Variants in ITGAD observed in about 807,000 individuals in gnomAD.
ITGAD encodes the protein integrin subunit alpha D, also known as integrin alpha-D.
In ITGAD, 105 loss-of-function variants were observed where a neutral mutation model predicts 139.0. The ratio of observed to expected loss-of-function variants is 0.76; its 90% CI spans 0.65 to 0.89. ITGAD has a LOEUF of 0.89. ITGAD is among the 40% of genes least tolerant of loss of function. The pLI is 0.00. For missense variants in ITGAD, 1,384 were observed against 1,487.3 expected (o/e 0.93, Z 1.14); for synonymous variants, 569 against 598.3 (o/e 0.95, Z 0.71).
intron 18 of ITGAD, 150 bp downstream of exon 18, chr16:31,415,141 G>A (rs1395686585): frequency 3.5e-6 from 3 of 867,254 alleles, no homozygotes; most frequent in African/African-American, 1.7e-5. Flanking sequence ...CAGGCCTGTG[G>A]GTTCTGTCTC....
intron 14 of ITGAD, among the ~76,000 whole-genome samples, chr16:31,411,778 A>T (rs950008486): frequency 6.6e-6 from 1 of 152,352 alleles, no homozygotes; most frequent in African/African-American, 2.4e-5. Flanking sequence ...GTGTGGCCTT[A>T]GGCAGGTGAC....
chr16:31,421,482 GAAAAT>G (rs1282333504), intron 23 of ITGAD, among the ~76,000 whole-genome samples: 1 of 150,952 alleles, frequency 6.6e-6, no homozygotes, highest in African/African-American at 2.4e-5. Flanking sequence ...AATTAAAAAT[GAAAAT>G]AAAATAAAAC....
At chr16:31,425,322 C>T (rs540824153) in intron 29 of ITGAD, among the ~76,000 whole-genome samples, 151 of 152,066 alleles carry the variant, frequency 9.9e-4, no homozygotes, top group Non-Finnish European at 1.4e-3. Context: ...CCGCCCACCT[C>T]GGCCTCCCAA....
chr16:31,405,331 T>A (rs944121035), intron 7 of ITGAD, among the ~76,000 whole-genome samples: 1 of 152,214 alleles, frequency 6.6e-6, no homozygotes, highest in South Asian at 2.1e-4. Context: ...TCTTCTTTTT[T>A]TAAAAAGAAG....
Position 31,413,172 on chromosome 16 carries a change from A to G in ITGAD, c.1922A>G (p.Glu641Gly), listed in dbSNP as rs764239723. The change falls in exon 16 of 30, where the codon GAG becomes GGG. Residue 641 changes from glutamate (E) to glycine (G), a missense_variant. Coordinates refer to ENST00000389202, the MANE Select transcript of ITGAD (RefSeq NM_005353.3). ...AAGGCTGTGTACCGGTGCTGGGAAG[A>G]GAAGCCCAGTGCCCTGGAAGCTGGG... is the stretch of plus-strand genomic sequence containing the variant. Reference protein sequence around the residue: ...VAKAVYRCWEEKPSALEAGDA... With the variant: ...VAKAVYRCWEGKPSALEAGDA... 1 of 1,614,170 alleles carries G rather than the reference A, an allele frequency of 6.2e-7. No individual in the cohort carries two copies. Among genetic ancestry groups the G allele is most frequent in the Non-Finnish European group, 8.5e-7 (1 of 1,180,030 alleles).
chr16:31,412,144 A>C (rs2081738567), intron 14 of ITGAD, among the ~76,000 whole-genome samples: 7 of 150,088 alleles, frequency 4.7e-5, no homozygotes, highest in Admixed American at 4.7e-4. Flanking sequence ...ATCTTGGCTC[A>C]CTGCAACCTC....
intron 5 of ITGAD, among the ~76,000 whole-genome samples, chr16:31,401,272 A>G (rs1261859134): frequency 1.3e-5 from 2 of 152,152 alleles, no homozygotes; most frequent in Non-Finnish European, 2.9e-5. Flanking sequence ...AAAACAAAAA[A>G]TGAAAAAACC....
chr16:31,404,450 AC>A (rs2081488206), intron 7 of ITGAD: 2 of 152,226 alleles, frequency 1.3e-5, no homozygotes, highest in African/African-American at 2.4e-5. Flanking sequence ...CACCAAACGC[AC>A]CCTCTTTACT....
rs778850595 is a variant in ITGAD, at chr16:31,410,853, A to G, written c.1331A>G (p.Lys444Arg). ...ACCCAGGTGTCCAGGCAATGGAGGA[A>G]GAAGGCCGAAGTCACAGGGACGCAG... is the stretch of plus-strand genomic sequence containing the variant. ...IFTQVSRQWR[K>R]KAEVTGTQIG... Residue 444 changes from lysine to arginine, a missense_variant, in exon 12 of 30, where the codon AAG (lysine) becomes AGG (arginine). Physicochemically the swap from Lys to Arg is conservative, Grantham distance 26 (BLOSUM62 2). Coordinates refer to ENST00000389202, the MANE Select transcript of ITGAD (RefSeq NM_005353.3). 7.5e-6 allele frequency: 12 copies of G among 1,609,652 alleles called. No homozygotes were observed. The East Asian group carries it at 2.7e-4, about 36-fold the overall frequency.
At chr16:31,419,295 G>A (rs2081963386) in intron 23 of ITGAD, among the ~76,000 whole-genome samples, 1 of 152,060 alleles carries the variant, frequency 6.6e-6, no homozygotes, top group Non-Finnish European at 1.5e-5. Flanking sequence ...TCCTAATGAT[G>A]TCATAGCAGT....
rs904452701 is a variant in ITGAD at position 31,394,144 on chromosome 16, A to G, written c.32-92A>G. 3.3e-4 allele frequency: 248 copies of G among 744,670 alleles called. 3 individuals are homozygous for G. The highest frequency in any genetic ancestry group is 4.4e-4 in the Non-Finnish European group (204 of 466,796). The allele number at this position is 744,670 out of a possible 1,614,324, so 46.1% of individuals were successfully genotyped here. On this transcript the variant is annotated intron_variant, in intron 1 of 29. Transcript: ENST00000389202. ...AGACTCCATCTCAAAAAAAAAAAAA[A>G]AAAAAAGAAAAAAAAGAAAAAGAGG...
At chr16:31,407,941 G>A in intron 9 of ITGAD, 25 bp downstream of exon 9, 2 of 1,547,794 alleles carry the variant, frequency 1.3e-6, no homozygotes, top group Non-Finnish European at 8.8e-7. Context: ...GGGTGCGCCT[G>A]GGAGCCAAGG....
Position 31,411,330 on chromosome 16 carries a change from C to T in ITGAD, c.1520C>T (p.Ala507Val), listed in dbSNP as rs759435501. Residue 507 changes from alanine to valine, a missense_variant, in exon 14 of 30, where the codon GCT becomes GTT. Transcript: ENST00000389202. ...CAGAGGGTGCAGTGGCAGTGTGACG[C>T]TGTTCTCCGTGGTGAGCAGGGCCAC... ...PRGRVQWQCDAVLRGEQGHPW... is the reference protein window; with the variant it reads ...PRGRVQWQCDVVLRGEQGHPW... 4 of 1,613,418 alleles carry T rather than the reference C, an allele frequency of 2.5e-6. No homozygotes were observed. Among genetic ancestry groups the T allele is most frequent in the Non-Finnish European group, 3.4e-6 (4 of 1,179,542 alleles).
rs756664381 is a variant in ITGAD, at chr16:31,418,161, C to T, written c.2586C>T (p.Val862=). The T allele has an allele frequency of 1.2e-6, 2 of 1,614,058 alleles. No homozygotes were observed. The highest frequency in any genetic ancestry group is 8.5e-7 in the Non-Finnish European group (1 of 1,179,960). The change falls in exon 21 of 30, where the codon GTC becomes GTT. Residue 862 remains valine, a synonymous_variant. Transcript: ENST00000389202. The part of the protein sequence containing the change: ...DEGLRSSRCS[V]NHPIFHEGSN... ...GCCTAAGAAGCAGCCGCTGCAGTGTCAACCACCCCATCTTCCATGAGGGCT... is the reference window on the plus strand; with the variant it reads ...GCCTAAGAAGCAGCCGCTGCAGTGTTAACCACCCCATCTTCCATGAGGGCT...
intron 5 of ITGAD, among the ~76,000 whole-genome samples, chr16:31,400,056 G>T (rs2081365373): frequency 6.6e-6 from 1 of 152,208 alleles, no homozygotes; most frequent in African/African-American, 2.4e-5. Flanking sequence ...AGAAACAGAA[G>T]AGACATTGTG....
intron 10 of ITGAD, 121 bp from the exon 11 acceptor site, chr16:31,410,274 G>C (rs116084641): frequency 1.4e-6 from 2 of 1,379,552 alleles, no homozygotes; most frequent in South Asian, 1.3e-5. Context: ...CTGCTGGTGC[G>C]GGCCGGGAAG....
rs747339762 is a variant in ITGAD, at chr16:31,414,531, A to G, written c.2077A>G (p.Lys693Glu). Residue 693 changes from lysine (K) to glutamate (E), a missense_variant, in exon 17 of 30, where the codon AAG becomes GAG. Lys to Glu is a moderately conservative substitution (Grantham distance 56, BLOSUM62 1). Transcript: ENST00000389202. ...TTCTCGTGCCATTTTCAATGAAACCAAGAACCCCACTTTGACTCGAAGAAA... is the reference window on the plus strand; with the variant it reads ...TTCTCGTGCCATTTTCAATGAAACCGAGAACCCCACTTTGACTCGAAGAAA... ...LTSRAIFNET[K>E]NPTLTRRKTL... is the part of the protein sequence containing the mutation. 1 of 1,614,194 alleles carries G rather than the reference A, an allele frequency of 6.2e-7. No homozygotes were observed. The highest frequency in any genetic ancestry group is 1.3e-5 in the African/African-American group (1 of 75,050).
At chr16:31,397,689 GGGGGGGTGGGGT>G in intron 4 of ITGAD, 23 bp downstream of exon 4, 1 of 1,531,430 alleles carries the variant, frequency 6.5e-7, no homozygotes, top group Non-Finnish European at 8.9e-7. Context: ...CTTGGGCCAC[GGGGGGGTGGGGT>G]GGGGCGGGGG....
In ITGAD at chr16:31,414,510, C is replaced by T. The variant is rs763655950; in HGVS notation, c.2056C>T (p.Arg686Cys). Residue 686 changes from arginine (R) to cysteine (C), a missense_variant, in exon 17 of 30, where the codon CGT becomes TGT. Transcript: ENST00000389202. ...LALDPGRLTSRAIFNETKNPT... is the reference protein window; with the variant it reads ...LALDPGRLTSCAIFNETKNPT... ...ACTGGACCCAGGTCGTCTGACTTCT[C>T]GTGCCATTTTCAATGAAACCAAGAA... The T allele has an allele frequency of 1.7e-5, 28 of 1,614,186 alleles. No homozygotes were observed. Among genetic ancestry groups the T allele is most frequent in the African/African-American group, 4.0e-5 (3 of 75,046 alleles).
Sources: allele counts gnomAD v4.1 joint callset (sites outside exome capture counted in the v4.1 genomes callset), GRCh38; gene constraint gnomAD v4.1.1; transcripts MANE v1.5; gene names NCBI Gene and HGNC (gene_info 2026-07-23, HGNC 2026-07-21).